LLGL1: variants seen among roughly 807,000 people sequenced by gnomAD.
The protein encoded by LLGL1 is LLGL scribble cell polarity complex component 1.
In LLGL1, 58 loss-of-function variants were observed where a neutral mutation model predicts 110.6. That is an observed-to-expected ratio of 0.52 (90% CI 0.42 to 0.65). LLGL1 has a LOEUF of 0.65. Among genes scored for constraint, LLGL1 ranks in the 30% least tolerant of loss-of-function variants. The pLI is 0.00. For synonymous variants in LLGL1, 674 were observed against 607.2 expected, an observed-to-expected ratio of 1.11 and a Z score of -1.62; for missense variants, 1,229 against 1,462.1, an observed-to-expected ratio of 0.84 and a Z score of 2.60.
At chr17:18,237,925 A>C in intron 14 of LLGL1, 142 bp from the exon 15 acceptor site, 1 of 1,275,278 alleles carries the variant, frequency 7.8e-7, no homozygotes, top group South Asian at 1.4e-5. Context: ...GGACATTCTC[A>C]GTACCACCTG....
At position 18,241,514 on chromosome 17, in the gene LLGL1, C is replaced by T. The variant is rs370606765; in HGVS notation, c.2566C>T (p.Arg856Cys). The T allele has an allele frequency of 5.9e-5, 96 of 1,613,696 alleles. No homozygotes were observed. The highest frequency in any genetic ancestry group is 7.9e-5 in the Non-Finnish European group (93 of 1,180,012). ...KFKLTAHEGC[R>C]VRKVALATFA... ...CAAGCTGACGGCCCATGAGGGCTGT[C>T]GTGTGCGCAAGGTGGCACTGGCCAC... The change falls in exon 18 of 23, where the codon CGT (arginine) becomes TGT (cysteine). Residue 856 changes from arginine to cysteine, a missense_variant. Arg to Cys is a radical substitution (Grantham distance 180). Coordinates refer to ENST00000316843, the MANE Select transcript of LLGL1 (RefSeq NM_004140.4).
At chr17:18,242,947 T>A in intron 22 of LLGL1, 125 bp downstream of exon 22, 1 of 893,650 alleles carries the variant, frequency 1.1e-6, no homozygotes. Context: ...TGGCACTCTC[T>A]GAAACCTGGC....
intron 1 of LLGL1, among the ~76,000 whole-genome samples, chr17:18,229,219 G>A (rs1419303887): frequency 1.3e-5 from 2 of 152,124 alleles, no homozygotes; most frequent in Non-Finnish European, 2.9e-5. Flanking sequence ...AAGGGGCAGG[G>A]GAGCGGGTGG....
chr17:18,234,282 A>T lies in LLGL1; in HGVS notation c.724A>T (p.Ser242Cys). Residue 242 changes from serine to cysteine, a missense_variant, in exon 7 of 23, where the codon AGC becomes TGC. Ser to Cys is a moderately radical substitution (Grantham distance 112, BLOSUM62 -1). Coordinates refer to ENST00000316843, the MANE Select transcript of LLGL1 (RefSeq NM_004140.4). ...CCCTGCCTGCCCGCAGCAGCTGGAG[A>T]GCCTATGCTGGGGGCGTGATAGCAG... is the stretch of plus-strand genomic sequence containing the variant. The part of the protein sequence containing the change: ...HIFLGNQQLE[S>C]LCWGRDSSTV... 1 of 1,603,180 alleles carries T rather than the reference A, an allele frequency of 6.2e-7. No individual in the cohort carries two copies. Among genetic ancestry groups the T allele is most frequent in the Non-Finnish European group, 8.5e-7 (1 of 1,175,072 alleles).
rs563955242 is a variant in LLGL1, at chr17:18,235,376, C to T, written c.1284+64C>T. 7.5e-6 allele frequency: 12 copies of T among 1,605,170 alleles called. No homozygotes were observed. The South Asian group carries it at 1.3e-4, about 18-fold the overall frequency. On this transcript the variant is annotated intron_variant, in intron 10 of 22. Coordinates refer to ENST00000316843, the MANE Select transcript of LLGL1 (RefSeq NM_004140.4). ...CTTGAGGAGGGGGAGAGTTTCAGTT[C>T]TAAGCCCGGAGGTCAGAATGTGCCA...
At chr17:18,232,941 C>A in intron 4 of LLGL1, 139 bp downstream of exon 4, 1 of 1,132,608 alleles carries the variant, frequency 8.8e-7, no homozygotes, top group Non-Finnish European at 1.3e-6. Context: ...GGGTCCCAGG[C>A]TGCAGCTGTT....
At chr17:18,232,004 G>A (rs1045284283) in intron 2 of LLGL1, among the ~76,000 whole-genome samples, 1 of 152,176 alleles carries the variant, frequency 6.6e-6, no homozygotes, top group African/African-American at 2.4e-5. Flanking sequence ...TGAAGCTGTG[G>A]GAAAAGGCAG....
Position 18,235,215 on chromosome 17 carries a change from C to T in LLGL1, c.1187C>T (p.Thr396Ile). The part of the protein sequence containing the change: ...YLAPLHSSAI[T>I]CSAHVASVPA... ...GCCCCGCTGCACTCCTCTGCAATCA[C>T]TTGCTCGGCCCACGTGGCCAGTGTC... Residue 396 changes from threonine to isoleucine, a missense_variant, in exon 10 of 23, where the codon ACT becomes ATT. Coordinates refer to ENST00000316843, the MANE Select transcript of LLGL1 (RefSeq NM_004140.4). 6.2e-7 allele frequency: 1 copy of T among 1,611,388 alleles called. No individual in the cohort carries two copies. Among genetic ancestry groups the T allele is most frequent in the Non-Finnish European group, 8.5e-7 (1 of 1,180,032 alleles).
intron 10 of LLGL1, 63 bp from the exon 11 acceptor site, chr17:18,235,407 G>T (rs2047670609): frequency 1.2e-6 from 2 of 1,607,676 alleles, no homozygotes; most frequent in Non-Finnish European, 1.7e-6. Context: ...TGCCATACTC[G>T]GGGTGAGAGG....
chr17:18,229,990 C>G lies in LLGL1; in HGVS notation c.131C>G (p.Pro44Arg), dbSNP rs141705015. The G allele has an allele frequency of 6.2e-7, 1 of 1,612,318 alleles. No individual in the cohort carries two copies. Among genetic ancestry groups the G allele is most frequent in the Admixed American group, 1.7e-5 (1 of 59,976 alleles). Residue 44 changes from proline (P) to arginine (R), a missense_variant, in exon 2 of 23, where the codon CCG becomes CGG. By Grantham distance (103) the Pro-to-Arg change is moderately radical. Transcript: ENST00000316843. ...PNQPSALAFDPELRIMAIGTR... is the reference protein window; with the variant it reads ...PNQPSALAFDRELRIMAIGTR... ...CAGCCCAGCGCCCTGGCCTTCGACC[C>G]GGAACTTCGCATCATGGCCATCGGC...
rs762640861 is a variant in LLGL1, at chr17:18,235,466, C to A, written c.1285-4C>A. ...GTGCATACATCTCTGCCACCCCCTC[C>A]CAGAGCTGGCCCATCACTGGGGGCC... On this transcript the variant is annotated splice_polypyrimidine_tract_variant and splice_region_variant and intron_variant, in intron 10 of 22. Transcript: ENST00000316843. The A allele has an allele frequency of 2.5e-6, 4 of 1,614,132 alleles. No homozygotes were observed. The highest frequency in any genetic ancestry group is 3.4e-6 in the Non-Finnish European group (4 of 1,180,020).
At chr17:18,234,571 CA>C (rs2047647483) in intron 7 of LLGL1, 77 bp from the exon 8 acceptor site, 1 of 1,590,410 alleles carries the variant, frequency 6.3e-7, no homozygotes, top group South Asian at 1.1e-5. Context: ...AGGTAGAGAG[CA>C]GTGGAGGGCA....
At position 18,235,189 on chromosome 17, in the gene LLGL1, G is replaced by C. The variant is rs753603238; in HGVS notation, c.1161G>C (p.Leu387=). The C allele has an allele frequency of 3.8e-5, 61 of 1,612,306 alleles. No homozygotes were observed. Among genetic ancestry groups the C allele is most frequent in the Non-Finnish European group, 4.7e-5 (56 of 1,180,024 alleles). The change falls in exon 10 of 23, where the codon CTG becomes CTC. Residue 387 remains leucine, a synonymous_variant. Transcript: ENST00000316843. ...PGWPAVPAPY[L]APLHSSAITC... ...GGCCAGCTGTGCCTGCCCCATACCT[G>C]GCCCCGCTGCACTCCTCTGCAATCA...
chr17:18,241,899 T>C lies in LLGL1; in HGVS notation c.2782T>C (p.Ser928Pro). ...TRHGQGFYLISPSEFERFSLS... is the reference protein window; with the variant it reads ...TRHGQGFYLIPPSEFERFSLS... ...TGCCCACCCAGGCTTTTACCTGATA[T>C]CCCCATCAGAATTTGAACGCTTCTC... The change falls in exon 19 of 23, where the codon TCC becomes CCC. Residue 928 changes from serine to proline, a missense_variant. Physicochemically the swap from Ser to Pro is moderately conservative, Grantham distance 74. Coordinates refer to ENST00000316843, the MANE Select transcript of LLGL1 (RefSeq NM_004140.4). The C allele has an allele frequency of 1.9e-6, 3 of 1,613,748 alleles. No individual in the cohort carries two copies. The highest frequency in any genetic ancestry group is 2.5e-6 in the Non-Finnish European group (3 of 1,179,680).
intron 1 of LLGL1, among the ~76,000 whole-genome samples, chr17:18,226,051 A>T (rs1230318076): frequency 6.6e-6 from 1 of 151,492 alleles, no homozygotes; most frequent in Non-Finnish European, 1.5e-5. Flanking sequence ...TCTGTCTCTG[A>T]GACTCTTTGC....
At chr17:18,235,741 G>A in intron 11 of LLGL1, 2 of 590,694 alleles carry the variant, frequency 3.4e-6, no homozygotes, top group Non-Finnish European at 6.0e-6. Flanking sequence ...TTTTGGCCTG[G>A]AACTGAGCTC....
chr17:18,234,589 G>A, intron 7 of LLGL1, 60 bp from the exon 8 acceptor site: 1 of 1,606,368 alleles, frequency 6.2e-7, no homozygotes, highest in Non-Finnish European at 8.5e-7. Context: ...GGCAGAGCAG[G>A]AATGGCAGAA....
chr17:18,231,181 C>G (rs1210796150), intron 2 of LLGL1, among the ~76,000 whole-genome samples: 1 of 152,156 alleles, frequency 6.6e-6, no homozygotes, highest in Non-Finnish European at 1.5e-5. Flanking sequence ...GGTCCTCTTC[C>G]CTTTTTCCCC....
Position 18,234,383 on chromosome 17 carries a change from G to A in LLGL1, c.825G>A (p.Gln275=). The A allele has an allele frequency of 6.2e-7, 1 of 1,612,090 alleles. No homozygotes were observed. The highest frequency in any genetic ancestry group is 1.1e-5 in the South Asian group (1 of 91,010). ...SVDAGSFPTL[Q]PTVATTPYGP... The stretch of plus-strand genomic sequence containing the variant: ...ATGCCGGCAGCTTCCCAACGCTGCA[G>A]CCCACGGTAGCCACCACACCTTACG... The change falls in exon 7 of 23, where the codon CAG becomes CAA. Residue 275 remains glutamine, a synonymous_variant. Coordinates refer to ENST00000316843, the MANE Select transcript of LLGL1 (RefSeq NM_004140.4).
Sources: allele counts gnomAD v4.1 joint callset (sites outside exome capture counted in the v4.1 genomes callset), GRCh38; gene constraint gnomAD v4.1.1; transcripts MANE v1.5; gene names NCBI Gene and HGNC (gene_info 2026-07-23, HGNC 2026-07-21).